Variants in SPAG16 observed in about 807,000 individuals in gnomAD.
SPAG16 encodes sperm-associated antigen 16 protein.
SPAG16 carries 86 observed loss-of-function variants against 80.4 expected under a neutral mutation model. The ratio of observed to expected loss-of-function variants is 1.07; its 90% CI spans 0.90 to 1.28. The LOEUF (loss-of-function observed/expected upper bound fraction) is 1.28. Among genes scored for constraint, SPAG16 ranks in the 50% most tolerant of loss-of-function variants. The probability of loss-of-function intolerance (pLI) is 0.00; values close to 1 mark genes in which losing one functional copy is unlikely to be tolerated. For synonymous variants in SPAG16, 294 were observed against 265.9 expected (o/e 1.11, Z -1.03); for missense variants, 870 against 765.3 (o/e 1.14, Z -1.61).
chr2:214,408,901 T>C (rs1187510114), intron 15 of SPAG16, among the ~76,000 whole-genome samples: 1 of 152,032 alleles, frequency 6.6e-6, no homozygotes, highest in Non-Finnish European at 1.5e-5. Context: ...GGAGGCATTT[T>C]TTACATAACA....
intron 10 of SPAG16, among the ~76,000 whole-genome samples, chr2:213,606,681 G>A (rs2061273047): frequency 6.6e-6 from 1 of 151,930 alleles, no homozygotes; most frequent in Admixed American, 6.6e-5. Context: ...CTTATCTTTA[G>A]CCTGGATTTT....
chr2:214,280,057 T>C lies in SPAG16; in HGVS notation c.1721-130083T>C, dbSNP rs1302167789. Among the ~76,000 whole-genome samples the C allele has an allele frequency of 2.6e-5, 4 of 152,162 alleles. No homozygotes were observed. In the East Asian group the frequency reaches 5.8e-4, roughly 22 times the overall value. ...CAAATTGATGACACCAACGATCACTTTAAGACACTAGAAGACATGAAAATT... is the reference window on the plus strand; with the variant it reads ...CAAATTGATGACACCAACGATCACTCTAAGACACTAGAAGACATGAAAATT... On this transcript the variant is annotated intron_variant, in intron 15 of 15. Transcript: ENST00000331683.
intron 10 of SPAG16, among the ~76,000 whole-genome samples, chr2:213,553,047 G>A (rs922359274): frequency 6.6e-6 from 1 of 152,150 alleles, no homozygotes; most frequent in East Asian, 1.9e-4. Context: ...TTGCTCCTCA[G>A]CTTGAAGACA....
chr2:214,144,768 A>G (rs1405681725), intron 14 of SPAG16, among the ~76,000 whole-genome samples: 1 of 152,100 alleles, frequency 6.6e-6, no homozygotes, highest in Non-Finnish European at 1.5e-5. Context: ...CCAAAAGAAA[A>G]AGGTATTTAT....
chr2:213,296,061 C>G lies in SPAG16; in HGVS notation c.137-3C>G, dbSNP rs1401815693. ...TGAGATTAAAACTTGACAAGATATT[C>G]AGAGGTCACCATAACTGAAGCATCT... is the stretch of plus-strand genomic sequence containing the variant. On this transcript the variant is annotated splice_region_variant and splice_polypyrimidine_tract_variant and intron_variant, in intron 1 of 15. Transcript: ENST00000331683. The G allele has an allele frequency of 6.2e-7, 1 of 1,608,330 alleles. No homozygotes were observed. The highest frequency in any genetic ancestry group is 8.5e-7 in the Non-Finnish European group (1 of 1,175,820).
At chr2:214,386,624 G>C (rs1700769908) in intron 15 of SPAG16, among the ~76,000 whole-genome samples, 1 of 152,072 alleles carries the variant, frequency 6.6e-6, no homozygotes, top group African/African-American at 2.4e-5. Flanking sequence ...TACTTTGGGA[G>C]GCTGCGGCAG....
At chr2:213,504,201 T>G (rs978083918) in intron 10 of SPAG16, among the ~76,000 whole-genome samples, 2 of 152,210 alleles carry the variant, frequency 1.3e-5, no homozygotes, top group African/African-American at 4.8e-5. Context: ...TTGGAATTTC[T>G]TAAGCAAGAA....
chr2:214,345,752 C>G (rs546331363), intron 15 of SPAG16, among the ~76,000 whole-genome samples: 4 of 152,028 alleles, frequency 2.6e-5, no homozygotes, highest in Non-Finnish European at 5.9e-5. Flanking sequence ...TAACACCATA[C>G]GTTATTATTA....
rs148786348 is a variant in SPAG16, at chr2:213,573,597, C to G, written c.1070+83507C>G. On this transcript the variant is annotated intron_variant, in intron 10 of 15. Coordinates refer to ENST00000331683, the MANE Select transcript of SPAG16 (RefSeq NM_024532.5). ...TCTCTTGAAATATTTCACTGTTTCT[C>G]ACTGCTCTAATTGCTTTAGGAATTT... 7.4e-4 allele frequency among the ~76,000 whole-genome samples: 113 copies of G among 152,294 alleles called. 1 individual carries two copies. In the East Asian group the frequency reaches 0.019, roughly 25 times the overall value.
At chr2:214,283,898 A>G (rs1576674965) in intron 15 of SPAG16, among the ~76,000 whole-genome samples, 1 of 152,184 alleles carries the variant, frequency 6.6e-6, no homozygotes, top group East Asian at 1.9e-4. Flanking sequence ...GACATTATAA[A>G]CTTCTTTAAA....
At chr2:213,567,065 A>G (rs1263142439) in intron 10 of SPAG16, among the ~76,000 whole-genome samples, 1 of 152,040 alleles carries the variant, frequency 6.6e-6, no homozygotes, top group Non-Finnish European at 1.5e-5. Context: ...GTGCTGTTTA[A>G]ATCTTCTCAT....
intron 9 of SPAG16, among the ~76,000 whole-genome samples, chr2:213,428,854 G>A (rs1030255980): frequency 1.3e-5 from 2 of 152,130 alleles, no homozygotes; most frequent in Non-Finnish European, 2.9e-5. Flanking sequence ...CACTTTGGGA[G>A]GCTGAGGTGG....
rs574878658 is a variant in SPAG16 at position 214,213,639 on chromosome 2, C to A, written c.1720+64373C>A. Among the ~76,000 whole-genome samples, 3 of 152,256 alleles carry A rather than the reference C, an allele frequency of 2.0e-5. No homozygotes were observed. The East Asian group carries it at 5.8e-4, about 29-fold the overall frequency. On this transcript the variant is annotated intron_variant, in intron 15 of 15. Coordinates refer to ENST00000331683, the MANE Select transcript of SPAG16 (RefSeq NM_024532.5). ...CTCTACCAGCTACCCAGTGTGGCAA[C>A]CAAATATTCCTCCAGATTTTGGAAA...
intron 15 of SPAG16, among the ~76,000 whole-genome samples, chr2:214,257,719 A>G (rs757980808): frequency 2.6e-5 from 4 of 152,092 alleles, no homozygotes; most frequent in Admixed American, 6.6e-5. Context: ...TTCTTTTTAT[A>G]TATTACTGGA....
chr2:213,535,688 A>G (rs1465023121), intron 10 of SPAG16, among the ~76,000 whole-genome samples: 1 of 152,164 alleles, frequency 6.6e-6, no homozygotes, highest in Non-Finnish European at 1.5e-5. Context: ...TTTAACATTT[A>G]TGAGTGCAGG....
intron 10 of SPAG16, among the ~76,000 whole-genome samples, chr2:213,834,621 G>A (rs1163242312): frequency 1.3e-5 from 2 of 152,092 alleles, no homozygotes; most frequent in East Asian, 3.9e-4. Context: ...GGGAGTTCTA[G>A]TTTCTATGAT....
chr2:213,712,884 A>G (rs943964151), intron 10 of SPAG16, among the ~76,000 whole-genome samples: 1 of 152,132 alleles, frequency 6.6e-6, no homozygotes, highest in Non-Finnish European at 1.5e-5. Context: ...TACTGTCTGT[A>G]TTAGTCTGTT....
At chr2:214,261,382 T>C (rs1320485217) in intron 15 of SPAG16, among the ~76,000 whole-genome samples, 1 of 152,104 alleles carries the variant, frequency 6.6e-6, no homozygotes, top group Non-Finnish European at 1.5e-5. Flanking sequence ...ACTTCTTTTC[T>C]AGTCTGGCGG....
intron 12 of SPAG16, among the ~76,000 whole-genome samples, chr2:213,998,284 A>C (rs192127501): frequency 6.6e-6 from 1 of 152,094 alleles, no homozygotes; most frequent in Non-Finnish European, 1.5e-5. Context: ...CATAATTCCC[A>C]TGTGTTCTGG....
Sources: gnomAD v4.1 joint callset for allele counts (sites outside exome capture counted in the v4.1 genomes callset) on GRCh38, gnomAD v4.1.1 for gene constraint, MANE v1.5 for transcripts, NCBI Gene and HGNC (gene_info 2026-07-23, HGNC 2026-07-21) for gene names.